The following TET2 variants were observed in gnomAD, a reference collection of about 807,000 sequenced individuals.
TET2 encodes methylcytosine dioxygenase TET2.
A neutral mutation model predicts 142.9 loss-of-function variants in TET2; 299 were observed. The observed-to-expected ratio is 2.09, with a 90% confidence interval of 1.90 to 2.30. The LOEUF is 2.30. Ranked by LOEUF, TET2 falls within the 30% of genes most tolerant of loss-of-function variation. The pLI is 0.00. For synonymous variants in TET2, 819 were observed against 849.0 expected, an observed-to-expected ratio of 0.96 and a Z score of 0.61; for missense variants, 2,418 against 2,378.0, an observed-to-expected ratio of 1.02 and a Z score of -0.35.
At chr4:105,178,562 A>C (rs747921131) in intron 1 of TET2, among the ~76,000 whole-genome samples, 10 of 152,188 alleles carry the variant, frequency 6.6e-5, no homozygotes, top group Non-Finnish European at 1.0e-4. Flanking sequence ...AATGTAAACT[A>C]TGGGGTTTGG....
At chr4:105,237,762 T>C (rs1729045881) in intron 3 of TET2, 2 of 1,160,420 alleles carry the variant, frequency 1.7e-6, no homozygotes, top group Non-Finnish European at 2.2e-6. Context: ...AAATATTTTT[T>C]AATTCAAGGT....
At chr4:105,221,858 T>A (rs1165391890) in intron 2 of TET2, among the ~76,000 whole-genome samples, 2 of 150,770 alleles carry the variant, frequency 1.3e-5, no homozygotes, top group East Asian at 3.9e-4. Flanking sequence ...ATGCTATCCC[T>A]CCCCCGTCCC....
chr4:105,150,514 G>T (rs183961962), intron 1 of TET2, among the ~76,000 whole-genome samples: 1 of 152,264 alleles, frequency 6.6e-6, no homozygotes, highest in East Asian at 1.9e-4. Flanking sequence ...ATAACACTTT[G>T]TCAATGATTA....
intron 6 of TET2, among the ~76,000 whole-genome samples, chr4:105,245,892 A>G (rs1219219221): frequency 2.0e-5 from 3 of 152,244 alleles, no homozygotes; most frequent in African/African-American, 7.2e-5. Flanking sequence ...CTTTTCAAAA[A>G]TAGTCCTATT....
chr4:105,183,664 C>A (rs1313783532), intron 1 of TET2, among the ~76,000 whole-genome samples: 1 of 152,130 alleles, frequency 6.6e-6, no homozygotes, highest in Non-Finnish European at 1.5e-5. Context: ...CTACAGCCTA[C>A]CCCCTTAGTT....
chr4:105,187,558 T>C (rs994756407), intron 1 of TET2, among the ~76,000 whole-genome samples: 8 of 152,238 alleles, frequency 5.3e-5, no homozygotes, highest in Non-Finnish European at 1.0e-4. Flanking sequence ...AATTATCTAT[T>C]TATCTCATTA....
chr4:105,242,805 G>T, intron 4 of TET2, 29 bp from the exon 5 acceptor site: 1 of 1,542,074 alleles, frequency 6.5e-7, no homozygotes, highest in Non-Finnish European at 8.7e-7. Context: ...CTAATTGTAT[G>T]TGTGTGTGTT....
intron 1 of TET2, among the ~76,000 whole-genome samples, chr4:105,188,437 T>C (rs1725589259): frequency 6.6e-6 from 1 of 152,184 alleles, no homozygotes; most frequent in Non-Finnish European, 1.5e-5. Flanking sequence ...GTTCTGGAGA[T>C]GGGTGGCAGT....
At chr4:105,173,699 C>T (rs528924960) in intron 1 of TET2, among the ~76,000 whole-genome samples, 3 of 152,162 alleles carry the variant, frequency 2.0e-5, no homozygotes, top group Admixed American at 1.3e-4. Flanking sequence ...TTTGTTTTCT[C>T]TACTACTCAG....
At chr4:105,199,487 C>T (rs1381029939) in intron 2 of TET2, among the ~76,000 whole-genome samples, 4 of 152,166 alleles carry the variant, frequency 2.6e-5, no homozygotes, top group Admixed American at 2.6e-4. Context: ...TCAAGTCCCT[C>T]CTTTAAGGAA....
At chr4:105,208,664 G>T (rs1217539325) in intron 2 of TET2, among the ~76,000 whole-genome samples, 1 of 152,078 alleles carries the variant, frequency 6.6e-6, no homozygotes, top group Non-Finnish European at 1.5e-5. Context: ...CTTATAGCAT[G>T]AAGAAGAGTA....
At chr4:105,226,285 A>G (rs1426464170) in intron 2 of TET2, among the ~76,000 whole-genome samples, 2 of 152,138 alleles carry the variant, frequency 1.3e-5, no homozygotes, top group Non-Finnish European at 2.9e-5. Flanking sequence ...CAGTTTTCAC[A>G]TCTTTAAAAT....
chr4:105,154,729 G>GT (rs1240497059), intron 1 of TET2, among the ~76,000 whole-genome samples: 2 of 152,158 alleles, frequency 1.3e-5, no homozygotes, highest in African/African-American at 4.8e-5. Context: ...TAACCCAAGT[G>GT]TTAAAAGGAA....
intron 9 of TET2, among the ~76,000 whole-genome samples, chr4:105,271,097 T>C (rs1730931637): frequency 6.6e-6 from 1 of 152,218 alleles, no homozygotes; most frequent in East Asian, 1.9e-4. Flanking sequence ...TCACATTGTT[T>C]GGTGGGGTTT....
intron 1 of TET2, among the ~76,000 whole-genome samples, chr4:105,171,174 G>A (rs957596852): frequency 6.6e-6 from 1 of 152,062 alleles, no homozygotes; most frequent in African/African-American, 2.4e-5. Context: ...CATGATGGGA[G>A]TTCCATTTCT....
chr4:105,258,519 A>G (rs1002761555), intron 6 of TET2, among the ~76,000 whole-genome samples: 8 of 152,192 alleles, frequency 5.3e-5, no homozygotes, highest in Non-Finnish European at 8.8e-5. Context: ...GCTCCCTGCT[A>G]TGGAGGTGTC....
At position 105,234,940 on chromosome 4, in the gene TET2, C is replaced by G; in HGVS notation, c.998C>G (p.Pro333Arg). The change falls in exon 3 of 11, where the codon CCA becomes CGA. Residue 333 changes from proline (P) to arginine (R), a missense_variant. Pro to Arg is a moderately radical substitution (Grantham distance 103). Transcript: ENST00000380013. ...QQQKSVFEICPSPAENNIQGT... is the reference protein window; with the variant it reads ...QQQKSVFEICRSPAENNIQGT... ...CAAAAATCAGTTTTTGAGATATGCC[C>G]ATCTCCTGCAGAAAATAACATCCAG... 6.2e-7 allele frequency: 1 copy of G among 1,613,982 alleles called. No individual in the cohort carries two copies. The highest frequency in any genetic ancestry group is 8.5e-7 in the Non-Finnish European group (1 of 1,179,986).
At chr4:105,159,570 A>G (rs1381787303) in intron 1 of TET2, among the ~76,000 whole-genome samples, 1 of 152,048 alleles carries the variant, frequency 6.6e-6, no homozygotes, top group Non-Finnish European at 1.5e-5. Flanking sequence ...TAATCTTTTT[A>G]TGCCCTGCAG....
intron 2 of TET2, among the ~76,000 whole-genome samples, chr4:105,206,674 C>T (rs549915123): frequency 6.6e-6 from 1 of 152,278 alleles, no homozygotes; most frequent in East Asian, 1.9e-4. Context: ...CTCTCTGCCT[C>T]TCAGCTGGCA....
Sources: gnomAD v4.1 joint callset for allele counts (sites outside exome capture counted in the v4.1 genomes callset) on GRCh38, gnomAD v4.1.1 for gene constraint, MANE v1.5 for transcripts, NCBI Gene and HGNC (gene_info 2026-07-23, HGNC 2026-07-21) for gene names.